Variants in ADAMTS18 observed in about 807,000 individuals in gnomAD.
ADAMTS18 encodes the protein ADAM metallopeptidase with thrombospondin type 1 motif 18.
In ADAMTS18, 157 loss-of-function variants were observed where a neutral mutation model predicts 165.9. The observed-to-expected ratio is 0.95, with a 90% CI of 0.83 to 1.08. The LOEUF (loss-of-function observed/expected upper bound fraction) is 1.08. Ranked by LOEUF, ADAMTS18 falls within the 50% of genes least tolerant of loss-of-function variation. ADAMTS18 has a pLI of 0.00. For missense variants in ADAMTS18, 2,040 were observed against 1,534.0 expected (o/e 1.33, Z -5.51); for synonymous variants, 782 against 578.2 (o/e 1.35, Z -5.06).
chr16:77,365,856 T>C (rs2162953), intron 4 of ADAMTS18, among the ~76,000 whole-genome samples: 55,770 of 152,166 alleles, frequency 0.37, 10,948 homozygotes, highest in Non-Finnish European at 0.45. Context: ...GGTTGGCCAC[T>C]TATGAGCACA....
intron 22 of ADAMTS18, among the ~76,000 whole-genome samples, chr16:77,285,699 G>GTTTGAGCTTCTACTGTGAGTCAGGT (rs1476576546): frequency 6.6e-6 from 1 of 152,108 alleles, no homozygotes; most frequent in Non-Finnish European, 1.5e-5. Flanking sequence ...ACAGCTGGTT[G>GTTTGAGCTTCTACTGTGAGTCAGGT]TTTGAGCTTC....
At chr16:77,389,530 T>C (rs2454933) in intron 3 of ADAMTS18, among the ~76,000 whole-genome samples, 136,184 of 152,124 alleles carry the variant, frequency 0.9, 61,102 homozygotes, top group East Asian at 0.97. Context: ...GACCTGCGAA[T>C]AAGTAATGGA....
At chr16:77,330,070 G>A (rs1597130186) in intron 12 of ADAMTS18, among the ~76,000 whole-genome samples, 1 of 152,034 alleles carries the variant, frequency 6.6e-6, no homozygotes, top group East Asian at 1.9e-4. Flanking sequence ...ATGAGATATG[G>A]AAGATTCAGA....
intron 12 of ADAMTS18, among the ~76,000 whole-genome samples, chr16:77,330,866 A>C (rs1263998042): frequency 2.0e-5 from 3 of 152,250 alleles, no homozygotes; most frequent in Non-Finnish European, 4.4e-5. Flanking sequence ...GGCTACACTG[A>C]GTGATGTGAA....
intron 16 of ADAMTS18, among the ~76,000 whole-genome samples, chr16:77,316,812 G>A (rs2055895352): frequency 6.6e-6 from 1 of 152,060 alleles, no homozygotes; most frequent in African/African-American, 2.4e-5. Context: ...TGGGACTACA[G>A]GCATGCACCA....
intron 3 of ADAMTS18, among the ~76,000 whole-genome samples, chr16:77,378,392 A>AG (rs2056984218): frequency 6.6e-6 from 1 of 151,916 alleles, no homozygotes; most frequent in Non-Finnish European, 1.5e-5. Flanking sequence ...ATGATTTTTT[A>AG]GAGGATTAAA....
At chr16:77,296,539 T>C (rs1175817208) in intron 18 of ADAMTS18, among the ~76,000 whole-genome samples, 2 of 152,162 alleles carry the variant, frequency 1.3e-5, no homozygotes, top group Middle Eastern at 3.2e-3. Flanking sequence ...GAGGAATCCC[T>C]ATGCAAAGGT....
chr16:77,342,910 C>G (rs964164990), intron 10 of ADAMTS18, among the ~76,000 whole-genome samples: 2 of 151,998 alleles, frequency 1.3e-5, no homozygotes, highest in Admixed American at 1.3e-4. Context: ...AGAGAGATGA[C>G]AGCTTGAGAA....
intron 11 of ADAMTS18, among the ~76,000 whole-genome samples, chr16:77,339,679 A>G (rs2056369643): frequency 6.6e-6 from 1 of 151,800 alleles, no homozygotes; most frequent in Admixed American, 6.6e-5. Flanking sequence ...CTTGAGCACT[A>G]TTTATATTTT....
chr16:77,298,472 G>C (rs2055517706), intron 17 of ADAMTS18, among the ~76,000 whole-genome samples: 1 of 152,150 alleles, frequency 6.6e-6, no homozygotes, highest in Non-Finnish European at 1.5e-5. Context: ...GGCTGAAGCA[G>C]GTTTGCTTTC....
intron 3 of ADAMTS18, among the ~76,000 whole-genome samples, chr16:77,372,123 C>T (rs535291034): frequency 6.6e-6 from 1 of 152,196 alleles, no homozygotes; most frequent in South Asian, 2.1e-4. Context: ...ACAATAAATG[C>T]TAGCATGGAT....
intron 16 of ADAMTS18, among the ~76,000 whole-genome samples, chr16:77,310,355 TCAGGA>T (rs1283372484): frequency 6.6e-6 from 1 of 152,176 alleles, no homozygotes; most frequent in African/African-American, 2.4e-5. Flanking sequence ...TAAAAGTACT[TCAGGA>T]CAGTAGTATA....
chr16:77,394,643 T>G (rs11859351), intron 3 of ADAMTS18, among the ~76,000 whole-genome samples: 19,809 of 152,208 alleles, frequency 0.13, 1,646 homozygotes, highest in African/African-American at 0.22. Context: ...GAAATTACTT[T>G]TTGAATAAGA....
intron 3 of ADAMTS18, among the ~76,000 whole-genome samples, chr16:77,415,679 A>G (rs890716376): frequency 3.3e-5 from 5 of 150,552 alleles, no homozygotes; most frequent in African/African-American, 1.2e-4. Flanking sequence ...TCCTTAAGGA[A>G]AGCTTCAACG....
chr16:77,421,329 C>A (rs928054556), intron 3 of ADAMTS18, among the ~76,000 whole-genome samples: 1 of 152,174 alleles, frequency 6.6e-6, no homozygotes, highest in African/African-American at 2.4e-5. Context: ...ACCGTGGGAA[C>A]GGGCTTTCAT....
At chr16:77,329,612 C>T (rs2056155039) in intron 12 of ADAMTS18, among the ~76,000 whole-genome samples, 1 of 152,212 alleles carries the variant, frequency 6.6e-6, no homozygotes, top group South Asian at 2.1e-4. Context: ...TGAGTACCCA[C>T]CCTGTGCTGA....
intron 3 of ADAMTS18, among the ~76,000 whole-genome samples, chr16:77,413,568 A>T (rs903297749): frequency 2.0e-5 from 3 of 152,070 alleles, no homozygotes; most frequent in Non-Finnish European, 2.9e-5. Context: ...TATTTTTGTC[A>T]CTCAACCCCT....
At chr16:77,404,638 T>A (rs2057371725) in intron 3 of ADAMTS18, among the ~76,000 whole-genome samples, 3 of 152,194 alleles carry the variant, frequency 2.0e-5, no homozygotes. Context: ...TCTGTTTGTG[T>A]AATGAAAGGA....
intron 3 of ADAMTS18, among the ~76,000 whole-genome samples, chr16:77,416,627 G>A (rs558324395): frequency 6.6e-6 from 1 of 152,254 alleles, no homozygotes; most frequent in East Asian, 1.9e-4. Flanking sequence ...CAGGCATCTG[G>A]AACTGTGAAT....
Sources: gnomAD v4.1 joint callset for allele counts (sites outside exome capture counted in the v4.1 genomes callset) on GRCh38, gnomAD v4.1.1 for gene constraint, MANE v1.5 for transcripts, NCBI Gene and HGNC (gene_info 2026-07-23, HGNC 2026-07-21) for gene names.